Variants in SLC39A8 observed in about 807,000 individuals in gnomAD.
SLC39A8 encodes metal cation symporter ZIP8.
In SLC39A8, 15 loss-of-function variants were observed where a neutral mutation model predicts 40.4. The ratio of observed to expected loss-of-function variants is 0.37; its 90% confidence interval spans 0.25 to 0.57. The LOEUF is 0.57. SLC39A8 is among the 20% of genes least tolerant of loss of function. SLC39A8 has a pLI of 0.75. For synonymous variants in SLC39A8, 223 were observed against 221.6 expected (o/e 1.01, Z -0.06); for missense variants, 472 against 558.8 (o/e 0.84, Z 1.57).
intron 2 of SLC39A8, among the ~76,000 whole-genome samples, chr4:102,321,824 G>T (rs1734979324): frequency 6.6e-6 from 1 of 152,226 alleles, no homozygotes; most frequent in Admixed American, 6.5e-5. Context: ...CTGCAATGAG[G>T]TCATAGCTGA....
chr4:102,294,023 C>T (rs1460934961), intron 6 of SLC39A8, among the ~76,000 whole-genome samples: 1 of 150,598 alleles, frequency 6.6e-6, no homozygotes, highest in Non-Finnish European at 1.5e-5. Flanking sequence ...GCAAAAGAAG[C>T]GAGGATAACT....
chr4:102,282,547 G>C (rs1732940685), intron 6 of SLC39A8, among the ~76,000 whole-genome samples: 2 of 151,626 alleles, frequency 1.3e-5, no homozygotes, highest in African/African-American at 4.9e-5. Flanking sequence ...AGGACAAGAT[G>C]TTTTTTTCCT....
chr4:102,287,872 C>T (rs1317335593), intron 6 of SLC39A8, among the ~76,000 whole-genome samples: 2 of 152,094 alleles, frequency 1.3e-5, no homozygotes, highest in Admixed American at 1.3e-4. Context: ...TGAAATTCAG[C>T]TTTCCTATCT....
intron 4 of SLC39A8, 71 bp from the exon 5 acceptor site, chr4:102,305,182 T>G (rs1034672358): frequency 6.9e-7 from 1 of 1,452,018 alleles, no homozygotes; most frequent in African/African-American, 1.4e-5. Flanking sequence ...ATAATACCAG[T>G]ATGCAATTCT....
intron 2 of SLC39A8, among the ~76,000 whole-genome samples, chr4:102,319,852 G>A (rs1036728914): frequency 5.9e-5 from 9 of 151,986 alleles, no homozygotes; most frequent in Middle Eastern, 3.4e-3. Flanking sequence ...CATTTGAATC[G>A]GTGGACTCCG....
intron 2 of SLC39A8, among the ~76,000 whole-genome samples, chr4:102,325,062 T>G (rs1295842910): frequency 3.9e-5 from 6 of 152,024 alleles, no homozygotes; most frequent in African/African-American, 1.4e-4. Flanking sequence ...CTCCCTGATA[T>G]ATACATACAT....
chr4:102,284,649 C>T lies in SLC39A8; in HGVS notation c.841-16570G>A, dbSNP rs149371973. Among the ~76,000 whole-genome samples, 738 of 152,136 alleles carry T rather than the reference C, an allele frequency of 4.9e-3. 8 individuals carry two copies. The highest frequency in any genetic ancestry group is 0.017 in the African/African-American group (699 of 41,488). On this transcript the variant is annotated intron_variant, in intron 6 of 8. Coordinates refer to ENST00000356736, the MANE Select transcript of SLC39A8 (RefSeq NM_001135146.2). ...ATCACAGAGGCCCAGTTTAAGATTG[C>T]CATTATTGTTTTAATATAAAAGTTA...
chr4:102,321,032 A>G (rs1734943690), intron 2 of SLC39A8, among the ~76,000 whole-genome samples: 1 of 151,994 alleles, frequency 6.6e-6, no homozygotes, highest in Admixed American at 6.6e-5. Flanking sequence ...GAGAAGTAGA[A>G]AGTGGGGAAA....
exon 12 of SLC39A8, chr4:102,253,266 T>C: frequency 2.3e-6 from 1 of 441,156 alleles, no homozygotes; most frequent in Non-Finnish European, 4.1e-6. Flanking sequence ...AAGAAGAGGC[T>C]GTATCTTCCT....
At chr4:102,305,564 C>A (rs1298324535) in intron 4 of SLC39A8, among the ~76,000 whole-genome samples, 1 of 151,970 alleles carries the variant, frequency 6.6e-6, no homozygotes, top group Non-Finnish European at 1.5e-5. Flanking sequence ...ATATGGCAGG[C>A]CACTTGGATT....
intron 6 of SLC39A8, among the ~76,000 whole-genome samples, chr4:102,292,097 A>G (rs1157371782): frequency 6.6e-6 from 1 of 152,034 alleles, no homozygotes; most frequent in Non-Finnish European, 1.5e-5. Flanking sequence ...CTTAGAAAGG[A>G]AAAATAAGAT....
chr4:102,295,538 T>C (rs913982408), intron 6 of SLC39A8, among the ~76,000 whole-genome samples: 1 of 152,024 alleles, frequency 6.6e-6, no homozygotes, highest in Non-Finnish European at 1.5e-5. Context: ...GTTGGCAATA[T>C]CAACATTTTG....
At chr4:102,257,959 G>C (rs1731745934), downstream of SLC39A8, among the ~76,000 whole-genome samples, 1 of 152,230 alleles carries the variant, frequency 6.6e-6, no homozygotes, top group Admixed American at 6.5e-5. Context: ...CAAGAGGTCA[G>C]CAGTGTGGGT....
rs1332314048 is a variant in SLC39A8, at chr4:102,305,053, C to A, written c.611G>T (p.Gly204Val). The change falls in exon 5 of 9, where the codon GGT (glycine) becomes GTT (valine). Residue 204 changes from glycine to valine, a missense_variant. Gly to Val is a moderately radical substitution (Grantham distance 109). This residue lies in a region of SLC39A8 where 239 missense variants were observed against 317.9 expected (regional missense o/e 0.75). Transcript: ENST00000356736. ...AAAAAAGAAAAGTAGGTAAAATCCACCAAACACAGCAACTGCCTTCTCAAC... is the reference window on the plus strand; with the variant it reads ...AAAAAAGAAAAGTAGGTAAAATCCAACAAACACAGCAACTGCCTTCTCAAC... ...SYVEKAVAVF[G>V]GFYLLFFFER... 3.7e-6 allele frequency: 6 copies of A among 1,610,610 alleles called. No homozygotes were observed. Among genetic ancestry groups the A allele is most frequent in the Non-Finnish European group, 5.1e-6 (6 of 1,178,010 alleles).
intron 6 of SLC39A8, among the ~76,000 whole-genome samples, chr4:102,274,958 A>G (rs912574934): frequency 6.6e-6 from 1 of 152,214 alleles, no homozygotes; most frequent in Non-Finnish European, 1.5e-5. Context: ...GAAGCAGTAA[A>G]TATGGAAAGG....
Position 102,315,654 on chromosome 4 carries a change from T to C in SLC39A8, c.382+14A>G, listed in dbSNP as rs949453732. The stretch of plus-strand genomic sequence containing the variant: ...GACTTTTCAAATAAAAGAGAAAAAA[T>C]GCTTCTAATATACCTTCTGAATGAC... On this transcript the variant is annotated intron_variant, in intron 3 of 8. Coordinates refer to ENST00000356736, the MANE Select transcript of SLC39A8 (RefSeq NM_001135146.2). The C allele has an allele frequency of 3.8e-6, 6 of 1,575,104 alleles. No homozygotes were observed. Among genetic ancestry groups the C allele is most frequent in the Non-Finnish European group, 4.3e-6 (5 of 1,163,664 alleles).
chr4:102,344,348 T>C lies in SLC39A8; in HGVS notation c.219+96A>G, dbSNP rs559300113. On this transcript the variant is annotated intron_variant, in intron 2 of 8. Coordinates refer to ENST00000356736, the MANE Select transcript of SLC39A8 (RefSeq NM_001135146.2). ...ACTTGAGAAATATAACAAGATTCTT[T>C]CTCCTGCACTTTTCCCAAATAAAAA... 3.5e-5 allele frequency: 29 copies of C among 824,042 alleles called. No individual in the cohort carries two copies. In the South Asian group the frequency reaches 6.4e-4, roughly 18 times the overall value. 51.0% of individuals were successfully genotyped at this position (824,042 alleles called of 1,614,324 possible).
chr4:102,334,900 G>A (rs1735605405), intron 2 of SLC39A8, among the ~76,000 whole-genome samples: 1 of 152,174 alleles, frequency 6.6e-6, no homozygotes, highest in African/African-American at 2.4e-5. Flanking sequence ...ATGGGATCAG[G>A]AGGTTTAACA....
intron 2 of SLC39A8, among the ~76,000 whole-genome samples, chr4:102,342,780 T>C (rs183329862): frequency 6.6e-6 from 1 of 152,374 alleles, no homozygotes; most frequent in Admixed American, 6.5e-5. Context: ...TTAGGCATGT[T>C]TTCCAATGTC....
Sources: gnomAD v4.1 joint callset for allele counts (sites outside exome capture counted in the v4.1 genomes callset) on GRCh38, gnomAD v4.1.1 for gene constraint, gnomAD v4.1.1 regional missense constraint, MANE v1.5 for transcripts, NCBI Gene and HGNC (gene_info 2026-07-23, HGNC 2026-07-21) for gene names.